PGBD5: variants seen among roughly 807,000 people sequenced by gnomAD.
PGBD5 encodes piggyBac transposable element derived 5.
A neutral mutation model predicts 47.9 loss-of-function variants in PGBD5; 14 were observed. The observed-to-expected ratio is 0.29, with a 90% CI of 0.19 to 0.46. The LOEUF is 0.46. Ranked by LOEUF, PGBD5 falls within the 20% of genes least tolerant of loss-of-function variation. The pLI is 1.00. For synonymous variants in PGBD5, 316 were observed against 306.3 expected, an observed-to-expected ratio of 1.03 and a Z score of -0.33; for missense variants, 635 against 716.0, an observed-to-expected ratio of 0.89 and a Z score of 1.29.
intron 1 of PGBD5, among the ~76,000 whole-genome samples, chr1:230,386,953 G>A (rs546802104): frequency 2.0e-5 from 3 of 152,298 alleles, no homozygotes; most frequent in Non-Finnish European, 4.4e-5. Flanking sequence ...GCTTGTGGAA[G>A]TGAGTTCAAG....
At chr1:230,413,172 T>C (rs886391233) in intron 1 of PGBD5, among the ~76,000 whole-genome samples, 3 of 152,126 alleles carry the variant, frequency 2.0e-5, no homozygotes, top group South Asian at 4.1e-4. Flanking sequence ...GTGGTAAATA[T>C]TACCTTCAGT....
At chr1:230,419,789 T>G (rs1657606834) in intron 1 of PGBD5, among the ~76,000 whole-genome samples, 1 of 152,178 alleles carries the variant, frequency 6.6e-6, no homozygotes, top group African/African-American at 2.4e-5. Flanking sequence ...CAATATTGCT[T>G]TATCATTTGA....
At chr1:230,340,926 C>T (rs10864746) in intron 3 of PGBD5, among the ~76,000 whole-genome samples, 140,258 of 152,142 alleles carry the variant, frequency 0.92, 65,708 homozygotes, top group East Asian at 1. Context: ...CTCCAGCCAG[C>T]CTCTTCTGAA....
At chr1:230,372,250 G>T (rs1667941442) in intron 1 of PGBD5, among the ~76,000 whole-genome samples, 1 of 152,176 alleles carries the variant, frequency 6.6e-6, no homozygotes, top group South Asian at 2.1e-4. Context: ...AAGTTAGAGT[G>T]CACTGTGAGC....
At chr1:230,399,570 A>G (rs931597560) in intron 1 of PGBD5, among the ~76,000 whole-genome samples, 1 of 152,192 alleles carries the variant, frequency 6.6e-6, no homozygotes, top group African/African-American at 2.4e-5. Flanking sequence ...GAATTCAGCC[A>G]TCATGGACCA....
intron 3 of PGBD5, 26 bp downstream of exon 3, chr1:230,350,932 C>A: frequency 6.2e-7 from 1 of 1,609,968 alleles, no homozygotes; most frequent in Non-Finnish European, 8.5e-7. Flanking sequence ...TTCACCGACC[C>A]TCCCCGGGCT....
At chr1:230,377,489 C>T (rs1484856310) in intron 1 of PGBD5, 1 of 1,612,492 alleles carries the variant, frequency 6.2e-7, no homozygotes, top group Non-Finnish European at 8.5e-7. Flanking sequence ...CTTACTAAGA[C>T]AGCTGTACCT....
chr1:230,340,962 A>G (rs886435321), intron 3 of PGBD5, among the ~76,000 whole-genome samples: 43 of 152,166 alleles, frequency 2.8e-4, no homozygotes, highest in African/African-American at 1.0e-3. Context: ...CTGGGATGTC[A>G]CAGGAGAAGG....
intron 3 of PGBD5, among the ~76,000 whole-genome samples, chr1:230,341,296 G>C (rs1667404694): frequency 6.6e-6 from 1 of 152,158 alleles, no homozygotes. Context: ...GGTACTGCTT[G>C]GTCTGATGGC....
chr1:230,337,013 TG>T, intron 4 of PGBD5, 94 bp downstream of exon 4: 1 of 1,380,534 alleles, frequency 7.2e-7, no homozygotes, highest in Non-Finnish European at 1.0e-6. Flanking sequence ...TGGTTTGTGG[TG>T]GCCACCACGT....
intron 1 of PGBD5, among the ~76,000 whole-genome samples, chr1:230,373,241 C>A (rs996837114): frequency 6.6e-6 from 1 of 152,206 alleles, no homozygotes; most frequent in Admixed American, 6.5e-5. Flanking sequence ...GCACCTCACA[C>A]ACTCACCTCT....
In PGBD5 at chr1:230,357,334, G is replaced by C; in HGVS notation, c.332-13C>G. 6.2e-7 allele frequency: 1 copy of C among 1,610,070 alleles called. No homozygotes were observed. The highest frequency in any genetic ancestry group is 8.5e-7 in the Non-Finnish European group (1 of 1,177,420). ...TTTCGGGTGGGACCTGAAACCCAAA[G>C]ACAGGTGGAGTGTTCCTTAGGACGG... On this transcript the variant is annotated splice_polypyrimidine_tract_variant and intron_variant, in intron 1 of 6. Transcript: ENST00000391860. This position sits in a 1 kb window ranked among gnomAD's most constrained non-coding sequence, Gnocchi z 5.7.
chr1:230,409,544 T>G (rs1657371032), intron 1 of PGBD5, among the ~76,000 whole-genome samples: 2 of 152,180 alleles, frequency 1.3e-5, no homozygotes, highest in South Asian at 2.1e-4. Flanking sequence ...CTGAGACATG[T>G]GACAACATGG....
chr1:230,364,365 T>C (rs905946925), intron 1 of PGBD5, among the ~76,000 whole-genome samples: 1 of 152,246 alleles, frequency 6.6e-6, no homozygotes. Flanking sequence ...TCCAAAATTA[T>C]GTTCAGATTA....
chr1:230,326,406 C>A (rs1006148830), intron 5 of PGBD5, among the ~76,000 whole-genome samples: 1 of 151,944 alleles, frequency 6.6e-6, no homozygotes, highest in African/African-American at 2.4e-5. Flanking sequence ...GTGACAAGAG[C>A]GAAACTCCAT....
At chr1:230,348,389 G>T (rs1040614841) in intron 3 of PGBD5, among the ~76,000 whole-genome samples, 1 of 152,222 alleles carries the variant, frequency 6.6e-6, no homozygotes, top group African/African-American at 2.4e-5. Flanking sequence ...GAAGAGGCAG[G>T]TTGAGGCCCA....
intron 1 of PGBD5, among the ~76,000 whole-genome samples, chr1:230,392,108 T>A (rs186205679): frequency 6.6e-6 from 1 of 152,224 alleles, no homozygotes; most frequent in Non-Finnish European, 1.5e-5. Flanking sequence ...CTTGCTTTGA[T>A]TTTTTTCTCT....
intron 2 of PGBD5, among the ~76,000 whole-genome samples, chr1:230,356,639 A>C (rs1667650373): frequency 1.3e-5 from 2 of 152,236 alleles, no homozygotes; most frequent in East Asian, 3.8e-4. Flanking sequence ...GGGAGAAAAG[A>C]GGCGGAAGAT....
Position 230,357,673 on chromosome 1 carries a change from C to T in PGBD5, c.332-352G>A, listed in dbSNP as rs1199075013. On this transcript the variant is annotated intron_variant, in intron 1 of 6. Coordinates refer to ENST00000391860, the MANE Select transcript of PGBD5 (RefSeq NM_001258311.2). This position sits in a 1 kb window ranked among gnomAD's most constrained non-coding sequence, Gnocchi z 5.7. ...GGACAGCCCTCGGGGGGCGCAGTCA[C>T]GTGGAATCCCTGCTCTCCAGAACCC... Among the ~76,000 whole-genome samples the T allele has an allele frequency of 1.3e-5, 2 of 152,198 alleles. No homozygotes were observed. The highest frequency in any genetic ancestry group is 6.5e-5 in the Admixed American group (1 of 15,282).
Sources: allele counts gnomAD v4.1 joint callset (sites outside exome capture counted in the v4.1 genomes callset), GRCh38; gene constraint gnomAD v4.1.1; non-coding constraint Gnocchi (gnomAD v3.1); transcripts MANE v1.5; gene names NCBI Gene and HGNC (gene_info 2026-07-23, HGNC 2026-07-21).